LPP: variants seen among roughly 807,000 people sequenced by gnomAD.
The protein encoded by LPP is LIM domain containing preferred translocation partner in lipoma.
Under a neutral mutation model 60.4 loss-of-function variants are expected in LPP, and 38 were observed. The observed-to-expected ratio is 0.63, with a 90% CI of 0.49 to 0.83. LPP has a LOEUF of 0.83. LPP is among the 40% of genes least tolerant of loss of function. LPP has a pLI of 0.00. For synonymous variants in LPP, 328 were observed against 290.8 expected, an observed-to-expected ratio of 1.13 and a Z score of -1.30; for missense variants, 902 against 783.6, an observed-to-expected ratio of 1.15 and a Z score of -1.80.
intron 8 of LPP, among the ~76,000 whole-genome samples, chr3:188,726,328 G>A (rs746624801): frequency 6.6e-6 from 1 of 152,088 alleles, no homozygotes; most frequent in Non-Finnish European, 1.5e-5. Flanking sequence ...TCTATCTTGG[G>A]TGGGTAATGA....
At chr3:188,835,634 G>T (rs944957280) in intron 9 of LPP, among the ~76,000 whole-genome samples, 2 of 151,804 alleles carry the variant, frequency 1.3e-5, no homozygotes, top group Non-Finnish European at 2.9e-5. Context: ...AAAATAAAAA[G>T]AATACACTAT....
intron 9 of LPP, among the ~76,000 whole-genome samples, chr3:188,841,792 T>A (rs748691720): frequency 6.6e-6 from 1 of 152,240 alleles, no homozygotes; most frequent in Non-Finnish European, 1.5e-5. Context: ...AGGTATTTTA[T>A]TCTCTTTGTA....
At chr3:188,852,356 C>G (rs962340642) in intron 9 of LPP, among the ~76,000 whole-genome samples, 3 of 152,130 alleles carry the variant, frequency 2.0e-5, no homozygotes, top group Non-Finnish European at 4.4e-5. Flanking sequence ...TGCATGTGGT[C>G]TCTCCAGCTT....
chr3:188,649,329 T>A (rs2148944583), intron 7 of LPP, among the ~76,000 whole-genome samples: 1 of 152,326 alleles, frequency 6.6e-6, no homozygotes, highest in Admixed American at 6.5e-5. Context: ...GAAAAATATA[T>A]CCTTGGACAA....
chr3:188,183,237 T>C (rs1252331409), intron 1 of LPP, among the ~76,000 whole-genome samples: 1 of 152,136 alleles, frequency 6.6e-6, no homozygotes, highest in Non-Finnish European at 1.5e-5. Context: ...TGGAGTATCC[T>C]TTCCATTCCC....
chr3:188,866,091 T>C, intron 9 of LPP, 109 bp from the exon 10 acceptor site: 1 of 803,850 alleles, frequency 1.2e-6, no homozygotes, highest in Non-Finnish European at 1.8e-6. Flanking sequence ...ATGCCTTCCT[T>C]AGAGTGGTGT....
At chr3:188,367,012 T>C (rs1771386989) in intron 3 of LPP, among the ~76,000 whole-genome samples, 1 of 152,052 alleles carries the variant, frequency 6.6e-6, no homozygotes, top group African/African-American at 2.4e-5. Flanking sequence ...TTCTCCTGCC[T>C]CAGCCTCCCG....
chr3:188,339,308 C>T (rs1340717462), intron 2 of LPP, among the ~76,000 whole-genome samples: 2 of 152,186 alleles, frequency 1.3e-5, no homozygotes, highest in African/African-American at 4.8e-5. Context: ...CTACTCAGGA[C>T]ACATGCCACT....
At chr3:188,493,201 C>T (rs972698779) in intron 5 of LPP, among the ~76,000 whole-genome samples, 6 of 152,114 alleles carry the variant, frequency 3.9e-5, no homozygotes, top group Admixed American at 3.9e-4. Context: ...AAGTAGAATT[C>T]TCGGGTCAAA....
intron 4 of LPP, among the ~76,000 whole-genome samples, chr3:188,473,145 G>T (rs1353617415): frequency 6.6e-6 from 1 of 151,896 alleles, no homozygotes; most frequent in Non-Finnish European, 1.5e-5. Context: ...TTTTTATTCT[G>T]AAATAATTTG....
intron 3 of LPP, among the ~76,000 whole-genome samples, chr3:188,387,106 A>G (rs1042576027): frequency 4.6e-5 from 7 of 152,000 alleles, no homozygotes; most frequent in Non-Finnish European, 8.8e-5. Flanking sequence ...CAAACCTTAT[A>G]TCTGTAAGGC....
intron 6 of LPP, among the ~76,000 whole-genome samples, chr3:188,566,869 AATAGTTACAGTAT>A (rs1430192000): frequency 2.0e-5 from 3 of 151,826 alleles, no homozygotes; most frequent in Non-Finnish European, 4.4e-5. Flanking sequence ...TCATTTCCAG[AATAGTTACAGTAT>A]CTTTATGCAT....
intron 5 of LPP, among the ~76,000 whole-genome samples, chr3:188,503,654 C>A (rs201516364): frequency 7.6e-6 from 1 of 131,854 alleles, no homozygotes; most frequent in Non-Finnish European, 1.7e-5. Context: ...TTTTTTTTTT[C>A]ATGACTGGCA....
chr3:188,276,235 CA>C (rs1739635126), intron 2 of LPP, among the ~76,000 whole-genome samples: 1 of 152,176 alleles, frequency 6.6e-6, no homozygotes, highest in Admixed American at 6.5e-5. Flanking sequence ...TCAACACAGC[CA>C]TACTTGCTTC....
intron 2 of LPP, among the ~76,000 whole-genome samples, chr3:188,279,618 C>T (rs1168357476): frequency 6.6e-6 from 1 of 152,186 alleles, no homozygotes; most frequent in Non-Finnish European, 1.5e-5. Context: ...GAAAGTCAGA[C>T]TGGAGCCAAG....
chr3:188,157,037 G>T (rs1263319564), intron 1 of LPP, among the ~76,000 whole-genome samples: 1 of 152,126 alleles, frequency 6.6e-6, no homozygotes, highest in Non-Finnish European at 1.5e-5. Flanking sequence ...TAATATCACT[G>T]AAATGTGGTT....
At chr3:188,334,422 C>CTTTTTTTTTTTT (rs71167095) in intron 2 of LPP, among the ~76,000 whole-genome samples, 2 of 98,666 alleles carry the variant, frequency 2.0e-5, no homozygotes, top group African/African-American at 4.0e-5. Flanking sequence ...ATATTTCTTT[C>CTTTTTTTTTTTT]TTTTTTTTTT....
At chr3:188,376,745 A>G (rs1423634223) in intron 3 of LPP, among the ~76,000 whole-genome samples, 2 of 152,158 alleles carry the variant, frequency 1.3e-5, no homozygotes, top group African/African-American at 4.8e-5. Context: ...CGATCCTGTC[A>G]TTATGATGTT....
At chr3:188,858,080 T>C (rs6794916) in intron 9 of LPP, among the ~76,000 whole-genome samples, 146 of 152,322 alleles carry the variant, frequency 9.6e-4, no homozygotes, top group African/African-American at 3.5e-3. Context: ...TTGCCTAGCT[T>C]TTCGAACCCA....
Sources: gnomAD v4.1 joint callset for allele counts (sites outside exome capture counted in the v4.1 genomes callset) on GRCh38, gnomAD v4.1.1 for gene constraint, MANE v1.5 for transcripts, NCBI Gene and HGNC (gene_info 2026-07-23, HGNC 2026-07-21) for gene names.